CFAP300: variants seen among roughly 807,000 people sequenced by gnomAD.
CFAP300 encodes cilia and flagella associated protein 300, also known as cilia- and flagella-associated protein 300.
A neutral mutation model predicts 33.0 loss-of-function variants in CFAP300; 32 were observed. The observed-to-expected ratio is 0.97, with a 90% CI of 0.73 to 1.30. The LOEUF (loss-of-function observed/expected upper bound fraction) is 1.30. Among genes scored for constraint, CFAP300 ranks in the 50% most tolerant of loss-of-function variants. The pLI is 0.00. For missense variants in CFAP300, 356 were observed against 318.1 expected (o/e 1.12, Z -0.90); for synonymous variants, 102 against 106.8 (o/e 0.95, Z 0.28).
chr11:102,077,488 A>T lies in CFAP300; in HGVS notation c.608+1443A>T, dbSNP rs141717053. 4.7e-3 allele frequency among the ~76,000 whole-genome samples: 720 copies of T among 152,372 alleles called. 9 individuals carry two copies. The highest frequency in any genetic ancestry group is 0.016 in the African/African-American group (676 of 41,586). On this transcript the variant is annotated intron_variant, in intron 5 of 6. Transcript: ENST00000434758. ...TTTAGGAGTCTCTAACTCAAACAAA[A>T]GGGTAAAAATGTTATTAAAATATTT...
rs767760877 is a variant in CFAP300 at position 102,047,858 on chromosome 11, C to T, written c.154C>T (p.Gln52Ter). ...RIKAQAFGFD[Q>*]TFQSYRKDDF... Reference sequence around the variant, plus strand: ...CAAGGCGCAGGCGTTCGGCTTTGACCAGACCTTTCAGTCCTATCGGAAGGA... The same window carrying T: ...CAAGGCGCAGGCGTTCGGCTTTGACTAGACCTTTCAGTCCTATCGGAAGGA... The change falls in exon 2 of 7, where the codon CAG becomes TAG. Residue 52 changes from glutamine to a stop codon, truncating the protein, a stop_gained. Transcript: ENST00000434758. LOFTEE classifies it high-confidence loss of function. 6.8e-6 allele frequency: 11 copies of T among 1,614,190 alleles called. No individual in the cohort carries two copies. In the South Asian group the frequency reaches 1.2e-4, roughly 18 times the overall value.
At chr11:102,055,703 C>T (rs201616170) in intron 2 of CFAP300, among the ~76,000 whole-genome samples, 7 of 132,820 alleles carry the variant, frequency 5.3e-5, no homozygotes, top group Admixed American at 2.5e-4. Flanking sequence ...GACGGAGTCT[C>T]GCTCTGTCGC....
At chr11:102,053,332 A>G (rs919454857) in intron 2 of CFAP300, among the ~76,000 whole-genome samples, 1 of 152,100 alleles carries the variant, frequency 6.6e-6, no homozygotes, top group African/African-American at 2.4e-5. Flanking sequence ...TGGACAGATC[A>G]CCTGAAGTCG....
intron 2 of CFAP300, among the ~76,000 whole-genome samples, chr11:102,055,146 A>G (rs986895040): frequency 3.3e-5 from 5 of 151,300 alleles, no homozygotes; most frequent in Non-Finnish European, 5.9e-5. Context: ...ACGCCCAGCT[A>G]ATTTTTGTAT....
intron 3 of CFAP300, among the ~76,000 whole-genome samples, chr11:102,063,677 G>A (rs908619826): frequency 2.6e-5 from 4 of 152,202 alleles, no homozygotes; most frequent in Admixed American, 2.6e-4. Context: ...AAACTATCTG[G>A]CTGTGTTGGC....
chr11:102,049,358 C>T (rs1941935067), intron 2 of CFAP300, among the ~76,000 whole-genome samples: 1 of 152,124 alleles, frequency 6.6e-6, no homozygotes, highest in Non-Finnish European at 1.5e-5. Context: ...ATAGAGACAC[C>T]AGTCATATTG....
intron 4 of CFAP300, among the ~76,000 whole-genome samples, chr11:102,074,036 C>A (rs181708315): frequency 6.6e-6 from 1 of 152,138 alleles, no homozygotes; most frequent in Admixed American, 6.5e-5. Flanking sequence ...CAGTGTACTG[C>A]GTCACTCATT....
rs762884366 is a variant in CFAP300, at chr11:102,083,042, T to G, written c.676-29T>G. On this transcript the variant is annotated intron_variant, in intron 6 of 6. Transcript: ENST00000434758. ...ATATAAATACATAAATAAAATAAAA[T>G]AATAATAATTTAGGTTTGTCTTTTT... is the stretch of plus-strand genomic sequence containing the variant. 3.3e-6 allele frequency: 4 copies of G among 1,206,586 alleles called. No individual in the cohort carries two copies. In the East Asian group the frequency reaches 1.2e-4, roughly 37 times the overall value. 74.7% of individuals were successfully genotyped at this position (1,206,586 alleles called of 1,614,324 possible).
intron 2 of CFAP300, among the ~76,000 whole-genome samples, chr11:102,050,698 G>A (rs1941955510): frequency 6.6e-6 from 1 of 152,158 alleles, no homozygotes; most frequent in African/African-American, 2.4e-5. Context: ...GGTCAGAAGA[G>A]CATTTATAAA....
chr11:102,048,807 T>TA (rs1306183603), intron 2 of CFAP300, among the ~76,000 whole-genome samples: 12 of 147,796 alleles, frequency 8.1e-5, no homozygotes, highest in Admixed American at 8.1e-4. Flanking sequence ...TTTTCAATCC[T>TA]GTTTTTTTTT....
intron 2 of CFAP300, among the ~76,000 whole-genome samples, chr11:102,050,106 G>T (rs1299017885): frequency 6.6e-6 from 1 of 151,940 alleles, no homozygotes; most frequent in South Asian, 2.1e-4. Context: ...CCATAGCCTG[G>T]GTGACAAAGT....
At chr11:102,066,943 T>C (rs1297901662) in intron 4 of CFAP300, among the ~76,000 whole-genome samples, 1 of 152,258 alleles carries the variant, frequency 6.6e-6, no homozygotes, top group Non-Finnish European at 1.5e-5. Context: ...AACAAAGTTA[T>C]CTGGCTCAAA....
intron 6 of CFAP300, 115 bp from the exon 7 acceptor site, chr11:102,082,956 C>G (rs1942496365): frequency 5.1e-6 from 2 of 389,176 alleles, no homozygotes; most frequent in Non-Finnish European, 7.4e-6. Flanking sequence ...GAGATCGCGC[C>G]ACTGCACTCC....
intron 2 of CFAP300, among the ~76,000 whole-genome samples, chr11:102,054,156 C>G (rs1942013667): frequency 6.6e-6 from 1 of 152,126 alleles, no homozygotes; most frequent in African/African-American, 2.4e-5. Context: ...ACCAGTATAC[C>G]CCTTTGCCCA....
chr11:102,076,367 A>G (rs1471941353), intron 5 of CFAP300, among the ~76,000 whole-genome samples: 1 of 152,230 alleles, frequency 6.6e-6, no homozygotes, highest in African/African-American at 2.4e-5. Context: ...TCTGAAGGGA[A>G]CACAAGAGAT....
intron 6 of CFAP300, among the ~76,000 whole-genome samples, chr11:102,081,985 G>T (rs988755913): frequency 1.3e-5 from 2 of 151,378 alleles, no homozygotes; most frequent in African/African-American, 2.4e-5. Flanking sequence ...TATTACATTC[G>T]AAGCAGTTTC....
At chr11:102,070,267 C>T (rs1469581321) in intron 4 of CFAP300, among the ~76,000 whole-genome samples, 5 of 152,148 alleles carry the variant, frequency 3.3e-5, no homozygotes, top group Non-Finnish European at 7.3e-5. Flanking sequence ...CCTTGGTTTT[C>T]ATCAAGGCAT....
At chr11:102,048,734 G>A (rs1034857900) in intron 2 of CFAP300, among the ~76,000 whole-genome samples, 1 of 152,088 alleles carries the variant, frequency 6.6e-6, no homozygotes, top group African/African-American at 2.4e-5. Flanking sequence ...TGACTACTTT[G>A]AGAGAGGTAA....
intron 2 of CFAP300, among the ~76,000 whole-genome samples, chr11:102,048,220 GTTTTA>G (rs969743063): frequency 6.6e-6 from 1 of 151,908 alleles, no homozygotes; most frequent in African/African-American, 2.4e-5. Context: ...ATTTTATTTT[GTTTTA>G]TTTTATTTTA....
Sources: gnomAD v4.1 joint callset for allele counts (sites outside exome capture counted in the v4.1 genomes callset) on GRCh38, gnomAD v4.1.1 for gene constraint, MANE v1.5 for transcripts, NCBI Gene and HGNC (gene_info 2026-07-23, HGNC 2026-07-21) for gene names.